NXPE3: variants seen among roughly 807,000 people sequenced by gnomAD.
The protein encoded by NXPE3 is NXPE family member 3.
In NXPE3, 26 loss-of-function variants were observed where a neutral mutation model predicts 46.1. The observed-to-expected ratio is 0.56, with a 90% CI of 0.41 to 0.78. The LOEUF (loss-of-function observed/expected upper bound fraction) is 0.78. Among genes scored for constraint, NXPE3 ranks in the 30% least tolerant of loss-of-function variants. The pLI is 0.00. For synonymous variants in NXPE3, 272 were observed against 257.9 expected (o/e 1.05, Z -0.52); for missense variants, 620 against 686.0 (o/e 0.90, Z 1.07).
intron 7 of NXPE3, among the ~76,000 whole-genome samples, chr3:101,820,129 T>G (rs1560068661): frequency 6.6e-6 from 1 of 152,200 alleles, no homozygotes; most frequent in African/African-American, 2.4e-5. Flanking sequence ...AAACAGAAGT[T>G]AAAGCCCATG....
At chr3:101,786,929 A>G (rs937006344) in intron 4 of NXPE3, among the ~76,000 whole-genome samples, 1 of 151,042 alleles carries the variant, frequency 6.6e-6, no homozygotes, top group Non-Finnish European at 1.5e-5. Flanking sequence ...CCCATTAAAC[A>G]GTGATTACCT....
chr3:101,792,242 G>T (rs1379292932), intron 4 of NXPE3, among the ~76,000 whole-genome samples: 2 of 152,154 alleles, frequency 1.3e-5, no homozygotes, highest in African/African-American at 4.8e-5. Flanking sequence ...AGTATCTTTT[G>T]CTGTGCCAGA....
At chr3:101,783,805 A>G (rs557564367) in intron 3 of NXPE3, among the ~76,000 whole-genome samples, 9 of 152,272 alleles carry the variant, frequency 5.9e-5, no homozygotes, top group South Asian at 2.1e-4. Flanking sequence ...AAGGATTTCA[A>G]TGGCAGAACA....
intron 4 of NXPE3, among the ~76,000 whole-genome samples, chr3:101,793,192 G>A (rs1421287657): frequency 6.6e-6 from 1 of 152,140 alleles, no homozygotes; most frequent in Non-Finnish European, 1.5e-5. Flanking sequence ...TCTAAATATA[G>A]AATCATGTCG....
intron 6 of NXPE3, among the ~76,000 whole-genome samples, chr3:101,809,295 AAAG>A (rs1941599922): frequency 1.3e-5 from 2 of 152,190 alleles, no homozygotes; most frequent in Admixed American, 6.5e-5. Flanking sequence ...ATATAACTGG[AAAG>A]AAAAGAGAAG....
rs1233860861 is a variant in NXPE3, at chr3:101,824,960, A to G, written c.*3006A>G. Reference sequence around the variant, plus strand: ...TGACATAGCTCTCAAAGATTTGGTGACACAGCTTCTTGAGTCACTTTCATC... The same window carrying G: ...TGACATAGCTCTCAAAGATTTGGTGGCACAGCTTCTTGAGTCACTTTCATC... On this transcript the variant is annotated 3_prime_UTR_variant, in exon 8 of 8. Coordinates refer to ENST00000273347, the MANE Select transcript of NXPE3 (RefSeq NM_145037.4). 1 of 152,164 alleles carries G rather than the reference A, an allele frequency of 6.6e-6. No homozygotes were observed. The highest frequency in any genetic ancestry group is 1.9e-4 in the East Asian group (1 of 5,200). The allele number at this position is 152,164 out of a possible 1,614,324, so 9.4% of individuals were successfully genotyped here.
Position 101,807,085 on chromosome 3 carries a change from G to C in NXPE3, c.881G>C (p.Ser294Thr). ...AATATCAAAATGCCAGTCAACTCCAGTGGACCTGATTGGGTAACTGTGATT... is the reference window on the plus strand; with the variant it reads ...AATATCAAAATGCCAGTCAACTCCACTGGACCTGATTGGGTAACTGTGATT... ...GVNIKMPVNS[S>T]GPDWVTVIPR... The change falls in exon 6 of 8, where the codon AGT becomes ACT. Residue 294 changes from serine (S) to threonine (T), a missense_variant. Around this residue, in one of 3 missense-constraint regions of NXPE3, gnomAD observed 511 missense variants for 528.6 expected, o/e 0.97. Coordinates refer to ENST00000273347, the MANE Select transcript of NXPE3 (RefSeq NM_145037.4). 1.2e-6 allele frequency: 2 copies of C among 1,613,502 alleles called. No individual in the cohort carries two copies. Among genetic ancestry groups the C allele is most frequent in the Non-Finnish European group, 1.7e-6 (2 of 1,179,564 alleles).
At chr3:101,809,248 T>C (rs2107322204) in intron 6 of NXPE3, among the ~76,000 whole-genome samples, 1 of 152,300 alleles carries the variant, frequency 6.6e-6, no homozygotes, top group East Asian at 1.9e-4. Context: ...CAGAATATCC[T>C]GGTTTTGAAT....
chr3:101,780,226 G>A (rs543628828), intron 1 of NXPE3, among the ~76,000 whole-genome samples: 1 of 152,260 alleles, frequency 6.6e-6, no homozygotes, highest in South Asian at 2.1e-4. Context: ...TTGTTTGGAG[G>A]CAGCAGTATA....
chr3:101,803,216 G>A (rs1010540842), intron 5 of NXPE3, among the ~76,000 whole-genome samples: 11 of 152,074 alleles, frequency 7.2e-5, no homozygotes, highest in African/African-American at 1.4e-4. Flanking sequence ...ACTCATTACC[G>A]TATGGGAGAA....
rs185028006 is a variant in NXPE3, at chr3:101,822,204, C to T, written c.*250C>T. The T allele has an allele frequency of 2.3e-6, 1 of 442,660 alleles. No individual in the cohort carries two copies. The highest frequency in any genetic ancestry group is 1.9e-5 in the African/African-American group (1 of 51,736). 27.4% of individuals were successfully genotyped at this position (442,660 alleles called of 1,614,324 possible). On this transcript the variant is annotated 3_prime_UTR_variant, in exon 8 of 8. Transcript: ENST00000273347. ...AACTGCATCTACACACTATATTGCT[C>T]TTGTAACCAAAGATGCTAATGAGTG...
rs1942539207 is a variant in NXPE3 at position 101,827,364 on chromosome 3, T to A, written c.*5410T>A. On this transcript the variant is annotated 3_prime_UTR_variant, in exon 8 of 8. Coordinates refer to ENST00000273347, the MANE Select transcript of NXPE3 (RefSeq NM_145037.4). ...TCTACCCCATTACCATTCCCCTTAC[T>A]CCTTGAAAATAAAGTGATCTTCATG... 1 of 152,224 alleles carries A rather than the reference T, an allele frequency of 6.6e-6. No homozygotes were observed. The highest frequency in any genetic ancestry group is 2.4e-5 in the African/African-American group (1 of 41,458). The allele number at this position is 152,224 out of a possible 1,614,324, so 9.4% of individuals were successfully genotyped here.
chr3:101,814,131 C>A (rs892644206), intron 6 of NXPE3, among the ~76,000 whole-genome samples: 6 of 152,208 alleles, frequency 3.9e-5, no homozygotes, highest in Non-Finnish European at 8.8e-5. Flanking sequence ...ATAACCGAGT[C>A]TACCGAATTA....
At chr3:101,801,178 C>CA in intron 4 of NXPE3, 57 bp from the exon 5 acceptor site, 1 of 1,510,736 alleles carries the variant, frequency 6.6e-7, no homozygotes, top group Non-Finnish European at 8.9e-7. Flanking sequence ...GAATTTATGC[C>CA]AAAATACAGA....
chr3:101,803,426 A>G (rs1489583762), intron 5 of NXPE3, among the ~76,000 whole-genome samples: 7 of 152,250 alleles, frequency 4.6e-5, no homozygotes, highest in Non-Finnish European at 8.8e-5. Flanking sequence ...AGTATTTTCT[A>G]TGGCTCAGTA....
rs527391436 is a variant in NXPE3, at chr3:101,828,091, G to A, written c.*6137G>A. On this transcript the variant is annotated 3_prime_UTR_variant, in exon 8 of 8. Coordinates refer to ENST00000273347, the MANE Select transcript of NXPE3 (RefSeq NM_145037.4). Reference sequence around the variant, plus strand: ...AAAGGAAACTGATCGTCTTTCTCATGCTGTCACGTACTTGGGTTATTATCG... The same window carrying A: ...AAAGGAAACTGATCGTCTTTCTCATACTGTCACGTACTTGGGTTATTATCG... 2 of 152,310 alleles carry A rather than the reference G, an allele frequency of 1.3e-5. No individual in the cohort carries two copies. Among genetic ancestry groups the A allele is most frequent in the Non-Finnish European group, 1.5e-5 (1 of 68,028 alleles). The allele number at this position is 152,310 out of a possible 1,614,324, so 9.4% of individuals were successfully genotyped here. A position where few individuals can be genotyped will look rare whatever the true frequency, so the allele number is the denominator to read the frequency against.
At chr3:101,805,325 A>G (rs1941361755) in intron 5 of NXPE3, among the ~76,000 whole-genome samples, 1 of 151,788 alleles carries the variant, frequency 6.6e-6, no homozygotes, top group African/African-American at 2.4e-5. Flanking sequence ...AATCTAATCT[A>G]TGCTTACTCA....
At chr3:101,810,600 A>G (rs977796869) in intron 6 of NXPE3, among the ~76,000 whole-genome samples, 5 of 152,214 alleles carry the variant, frequency 3.3e-5, no homozygotes, top group African/African-American at 1.2e-4. Context: ...AACAGGGGCC[A>G]TGTTCTTCCT....
intron 7 of NXPE3, 144 bp from the exon 8 acceptor site, chr3:101,821,260 A>G: frequency 1.6e-6 from 1 of 639,658 alleles, no homozygotes; most frequent in Non-Finnish European, 2.7e-6. Context: ...AGTTCAGTGA[A>G]ATAGGTATTC....
Sources: gnomAD v4.1 joint callset for allele counts (sites outside exome capture counted in the v4.1 genomes callset) on GRCh38, gnomAD v4.1.1 for gene constraint, gnomAD v4.1.1 regional missense constraint, MANE v1.5 for transcripts, NCBI Gene and HGNC (gene_info 2026-07-23, HGNC 2026-07-21) for gene names.